Variants in UBR4 observed in about 807,000 individuals in gnomAD.
UBR4 encodes the protein ubiquitin protein ligase E3 component n-recognin 4, also known as E3 ubiquitin-protein ligase UBR4.
Under a neutral mutation model 575.6 loss-of-function variants are expected in UBR4, and 124 were observed. That is an observed-to-expected ratio of 0.22 (90% confidence interval 0.19 to 0.25). UBR4 has a LOEUF of 0.25. Ranked by LOEUF, UBR4 falls within the 10% of genes least tolerant of loss-of-function variation. The probability of loss-of-function intolerance (pLI) is 1.00; values close to 1 mark genes in which losing one functional copy is unlikely to be tolerated. For synonymous variants in UBR4, 2,455 were observed against 2,473.7 expected, an observed-to-expected ratio of 0.99 and a Z score of 0.22; for missense variants, 4,818 against 6,478.8, an observed-to-expected ratio of 0.74 and a Z score of 8.80.
At chr1:19,116,687 C>G (rs2080576281) in intron 73 of UBR4, among the ~76,000 whole-genome samples, 1 of 152,158 alleles carries the variant, frequency 6.6e-6, no homozygotes, top group African/African-American at 2.4e-5. Context: ...CCTCTCTTGG[C>G]CTAAATATGA....
At chr1:19,182,936 G>C (rs1557944910) in intron 17 of UBR4, among the ~76,000 whole-genome samples, 2 of 152,110 alleles carry the variant, frequency 1.3e-5, no homozygotes, top group Non-Finnish European at 2.9e-5. Flanking sequence ...ATACATATAT[G>C]ACTAAGGACA....
At position 19,182,594 on chromosome 1, in the gene UBR4, A is replaced by T. The variant is rs145331130; in HGVS notation, c.2184+1217T>A. Among the ~76,000 whole-genome samples, 306 of 152,302 alleles carry T rather than the reference A, an allele frequency of 2.0e-3. 1 individual carries two copies. The highest frequency in any genetic ancestry group is 7.2e-3 in the African/African-American group (298 of 41,570). On this transcript the variant is annotated intron_variant, in intron 17 of 105. Coordinates refer to ENST00000375254, the MANE Select transcript of UBR4 (RefSeq NM_020765.3). ...CATTCTACATTCCCACCAGCAATGC[A>T]TCAAGAATTCCACTTTCTCCACATC...
At chr1:19,086,538 G>A in intron 100 of UBR4, 141 bp downstream of exon 100, 2 of 1,282,990 alleles carry the variant, frequency 1.6e-6, no homozygotes, top group South Asian at 1.4e-5. Flanking sequence ...ACTGCTTGGG[G>A]ACCTATATGG....
At chr1:19,141,012 G>A (rs945896106) in intron 57 of UBR4, 120 bp from the exon 58 acceptor site, 5 of 1,077,324 alleles carry the variant, frequency 4.6e-6, no homozygotes, top group South Asian at 4.6e-5. Context: ...CTCTGGCCTA[G>A]AGGAAGTTAG....
chr1:19,104,901 C>T, intron 85 of UBR4, 147 bp downstream of exon 85: 1 of 1,330,418 alleles, frequency 7.5e-7, no homozygotes, highest in Non-Finnish European at 1.0e-6. Context: ...ATAATAAATA[C>T]AATGAAGTCA....
In UBR4 at chr1:19,117,164, C is replaced by A; in HGVS notation, c.10823+57G>T. On this transcript the variant is annotated intron_variant, in intron 73 of 105. Coordinates refer to ENST00000375254, the MANE Select transcript of UBR4 (RefSeq NM_020765.3). The surrounding 1 kb of genome is among the most constrained non-coding windows in gnomAD (Gnocchi z 4.0). ...ACTCCATTCCAGGAACCGAAGGCAG[C>A]AACTGAGCTTCAGCCTTACAACCTG... 6.3e-7 allele frequency: 1 copy of A among 1,579,910 alleles called. No homozygotes were observed. The highest frequency in any genetic ancestry group is 8.6e-7 in the Non-Finnish European group (1 of 1,158,088).
intron 18 of UBR4, 135 bp from the exon 19 acceptor site, chr1:19,177,878 A>G (rs1346132366): frequency 8.9e-7 from 1 of 1,128,766 alleles, no homozygotes; most frequent in Non-Finnish European, 1.2e-6. Context: ...AAAAAAGGCT[A>G]CATGGTAAAG....
chr1:19,158,560 C>T lies in UBR4; in HGVS notation c.5578-563G>A, dbSNP rs142722907. Among the ~76,000 whole-genome samples, 198 of 152,182 alleles carry T rather than the reference C, an allele frequency of 1.3e-3. No homozygotes were observed. In the Middle Eastern group the frequency reaches 0.014, roughly 10 times the overall value. ...ACAGCCTCGAATTCCCCGGTTCAGG[C>T]AATCCTCCTGCCTCAGCCTCCCAGG... On this transcript the variant is annotated intron_variant, in intron 39 of 105. Transcript: ENST00000375254.
In UBR4 at chr1:19,172,869, G is replaced by T; in HGVS notation, c.3516C>A (p.Phe1172Leu). Residue 1172 changes from phenylalanine to leucine, a missense_variant, in exon 25 of 106, where the codon TTC (phenylalanine) becomes TTA (leucine). Phe to Leu is a conservative substitution (Grantham distance 22). Around this residue, in one of 29 missense-constraint regions of UBR4, gnomAD observed 1,172 missense variants for 1,259.7 expected, o/e 0.93. Transcript: ENST00000375254. The stretch of plus-strand genomic sequence containing the variant: ...GGGCAGGCAGTTCGCCACACCTGGT[G>T]AACGATGCATAGGTGTCAATGAGTT... Reference protein sequence around the residue: ...TLQLIDTYASFTRAYLLQNFN... With the variant: ...TLQLIDTYASLTRAYLLQNFN... The T allele has an allele frequency of 6.2e-7, 1 of 1,614,164 alleles. No homozygotes were observed.
chr1:19,095,885 G>A (rs576304724), intron 92 of UBR4: 28 of 448,638 alleles, frequency 6.2e-5, no homozygotes, highest in Middle Eastern at 6.2e-4. Context: ...CTAATACAAC[G>A]GCAATGACAG....
Position 19,150,635 on chromosome 1 carries a change from C to T in UBR4, c.7372G>A (p.Gly2458Ser), listed in dbSNP as rs771542044. 1.9e-6 allele frequency: 3 copies of T among 1,614,032 alleles called. No individual in the cohort carries two copies. Among genetic ancestry groups the T allele is most frequent in the South Asian group, 1.1e-5 (1 of 91,054 alleles). Residue 2458 changes from glycine to serine, a missense_variant, in exon 49 of 106, where the codon GGC becomes AGC. Gly to Ser is a moderately conservative substitution (Grantham distance 56, BLOSUM62 0). Coordinates refer to ENST00000375254, the MANE Select transcript of UBR4 (RefSeq NM_020765.3). ...ICPSNLNQSN[G>S]TGDSDSAAPT... ...GCAGCTGAGTCGCTATCTCCAGTGCCGTTGCTCTGGTTCAGATTTGAAGGG... is the reference window on the plus strand; with the variant it reads ...GCAGCTGAGTCGCTATCTCCAGTGCTGTTGCTCTGGTTCAGATTTGAAGGG...
intron 65 of UBR4, 116 bp from the exon 66 acceptor site, chr1:19,123,176 G>T: frequency 1.8e-6 from 2 of 1,127,088 alleles, no homozygotes; most frequent in Non-Finnish European, 2.5e-6. Context: ...GACAGGCCGG[G>T]CACGGTGGCT....
At chr1:19,143,131 AAAG>A (rs1230031465) in intron 55 of UBR4, among the ~76,000 whole-genome samples, 1 of 151,324 alleles carries the variant, frequency 6.6e-6, no homozygotes, top group African/African-American at 2.4e-5. Flanking sequence ...GAAAAGAAAA[AAAG>A]AAAAGAAAAG....
Position 19,147,012 on chromosome 1 carries a change from C to A in UBR4, c.7630-12G>T, listed in dbSNP as rs370533353. ...AGCAAGGCCTGATCCTGTAAAACAA[C>A]AGGAGCACAGAGGGTCAGCCATAAG... On this transcript the variant is annotated splice_polypyrimidine_tract_variant and intron_variant, in intron 51 of 105. Transcript: ENST00000375254. The A allele has an allele frequency of 5.7e-6, 9 of 1,581,514 alleles. No homozygotes were observed. In the African/African-American group the frequency reaches 1.2e-4, roughly 21 times the overall value.
In UBR4 at chr1:19,128,982, A is replaced by G. The variant is rs763056069; in HGVS notation, c.8999T>C (p.Met3000Thr). The G allele has an allele frequency of 2.4e-5, 38 of 1,614,006 alleles. No homozygotes were observed. The highest frequency in any genetic ancestry group is 1.5e-4 in the Admixed American group (9 of 60,024). Reference protein sequence around the residue: ...NVGGVRAIPYMQVILMLTTDL... With the variant: ...NVGGVRAIPYTQVILMLTTDL... Reference sequence around the variant, plus strand: ...TCCAGGTGAGCTAAGAGATACCTGCATGTATGGGATGGCCCGGACACCGCC... The same window carrying G: ...TCCAGGTGAGCTAAGAGATACCTGCGTGTATGGGATGGCCCGGACACCGCC... The change falls in exon 61 of 106, where the codon ATG (methionine) becomes ACG (threonine). Residue 3000 changes from methionine (M) to threonine (T), a missense_variant. Physicochemically the swap from Met to Thr is moderately conservative, Grantham distance 81. Transcript: ENST00000375254.
rs74915389 is a variant in UBR4, at chr1:19,101,116, A to G, written c.13023+404T>C. On this transcript the variant is annotated intron_variant, in intron 88 of 105. Transcript: ENST00000375254. The stretch of plus-strand genomic sequence containing the variant: ...TGCTTCTACACAGTTCAGGCTAGGG[A>G]AAAAAACACACGCTGCATGTGTGCA... 1.1e-4 allele frequency among the ~76,000 whole-genome samples: 16 copies of G among 152,226 alleles called. No individual in the cohort carries two copies. In the East Asian group the frequency reaches 2.7e-3, roughly 26 times the overall value.
rs2075754035 is a variant in UBR4, at chr1:19,074,722, C to T, written c.*110G>A. 2 of 1,244,482 alleles carry T rather than the reference C, an allele frequency of 1.6e-6. No individual in the cohort carries two copies. The highest frequency in any genetic ancestry group is 2.5e-5 in the East Asian group (1 of 40,008). The allele number at this position is 1,244,482 out of a possible 1,614,324, so 77.1% of individuals were successfully genotyped here. ...CCAAGAAAAATGAGAGAGGGGAGGG[C>T]GGGGTAACAATGCAGCATCCCGCGG... On this transcript the variant is annotated 3_prime_UTR_variant, in exon 106 of 106. Coordinates refer to ENST00000375254, the MANE Select transcript of UBR4 (RefSeq NM_020765.3).
At chr1:19,109,399 A>T (rs1415320716) in intron 81 of UBR4, among the ~76,000 whole-genome samples, 1 of 152,268 alleles carries the variant, frequency 6.6e-6, no homozygotes, top group Non-Finnish European at 1.5e-5. Context: ...CATCCTATAT[A>T]CTAGACATAA....
intron 50 of UBR4, 107 bp from the exon 51 acceptor site, chr1:19,148,234 T>A (rs1380498256): frequency 7.3e-7 from 1 of 1,378,148 alleles, no homozygotes; most frequent in African/African-American, 1.5e-5. Flanking sequence ...CAGGGCTAGG[T>A]TATGCTCCAT....
Sources: allele counts gnomAD v4.1 joint callset (sites outside exome capture counted in the v4.1 genomes callset), GRCh38; gene constraint gnomAD v4.1.1; regional missense constraint gnomAD v4.1.1; non-coding constraint Gnocchi (gnomAD v3.1); transcripts MANE v1.5; gene names NCBI Gene and HGNC (gene_info 2026-07-23, HGNC 2026-07-21).